Variants in ASB11 observed in about 807,000 individuals in gnomAD.
ASB11 encodes the protein ankyrin repeat and SOCS box containing 11, also known as ankyrin repeat and SOCS box protein 11.
ASB11 carries 17 observed loss-of-function variants against 20.1 expected under a neutral mutation model. The ratio of observed to expected loss-of-function variants is 0.85; its 90% confidence interval spans 0.58 to 1.27. ASB11 has a LOEUF of 1.27. Among genes scored for constraint, ASB11 ranks in the 50% most tolerant of loss-of-function variants. The pLI is 0.00. For missense variants in ASB11, 259 were observed against 256.9 expected, an observed-to-expected ratio of 1.01 and a Z score of -0.06; for synonymous variants, 107 against 105.6, an observed-to-expected ratio of 1.01 and a Z score of -0.08.
chrX:15,290,613 G>A (rs1306398624), intron 4 of ASB11, among the ~76,000 whole-genome samples: 1 of 112,160 alleles, frequency 8.9e-6, no homozygotes, highest in Non-Finnish European at 1.9e-5. Flanking sequence ...TTGTTCAGGA[G>A]AGAGTGCTTC....
At chrX:15,284,206 C>G (rs1161036327) in intron 6 of ASB11, among the ~76,000 whole-genome samples, 3 of 98,492 alleles carry the variant, frequency 3.0e-5, no homozygotes, top group Non-Finnish European at 6.0e-5. Context: ...GAGCCGAGAT[C>G]GGGCCACTGC....
At chrX:15,302,647 C>T (rs1250858435) in intron 2 of ASB11, 81 bp downstream of exon 2, 12 of 1,019,311 alleles carry the variant, frequency 1.2e-5, no homozygotes, top group Non-Finnish European at 2.7e-6. Context: ...GTGAGCCACA[C>T]CTCTGCTACA....
intron 1 of ASB11, among the ~76,000 whole-genome samples, chrX:15,313,618 T>G: frequency 8.9e-6 from 1 of 111,850 alleles, no homozygotes; most frequent in East Asian, 2.8e-4. Flanking sequence ...TTAACCTATT[T>G]TAAGAGATTG....
intron 3 of ASB11, among the ~76,000 whole-genome samples, chrX:15,296,721 T>C (rs961826198): frequency 4.4e-5 from 5 of 112,422 alleles, no homozygotes; most frequent in African/African-American, 1.6e-4. Flanking sequence ...AAGAGTGTTT[T>C]CTATTGTTCT....
chrX:15,284,018 C>A (rs188931891), intron 6 of ASB11, among the ~76,000 whole-genome samples: 4 of 109,778 alleles, frequency 3.6e-5, no homozygotes, highest in Non-Finnish European at 5.7e-5. Context: ...TTTGGGAGGC[C>A]AAGGTGGGCG....
chrX:15,283,373 G>C lies in ASB11; in HGVS notation c.*132C>G. ...CCACTCCTCAAGTGTTCTAGCTCAT[G>C]GGGGATTTACTTCGACTGAGCTCAT... On this transcript the variant is annotated 3_prime_UTR_variant, in exon 7 of 7. Coordinates refer to ENST00000480796, the MANE Select transcript of ASB11 (RefSeq NM_080873.3). 1.1e-6 allele frequency: 1 copy of C among 906,945 alleles called. No individual in the cohort carries two copies. The highest frequency in any genetic ancestry group is 2.4e-5 in the South Asian group (1 of 42,285). 74.7% of individuals were successfully genotyped at this position (906,945 alleles called of 1,213,427 possible).
At chrX:15,312,214 T>C (rs1441602626) in intron 1 of ASB11, among the ~76,000 whole-genome samples, 1 of 108,594 alleles carries the variant, frequency 9.2e-6, no homozygotes, top group Non-Finnish European at 1.9e-5. Context: ...CCAAGGACAA[T>C]GTATTAAACT....
At chrX:15,284,676 T>C (rs1004017719) in intron 6 of ASB11, among the ~76,000 whole-genome samples, 6 of 112,042 alleles carry the variant, frequency 5.4e-5, no homozygotes, top group African/African-American at 1.9e-4. Context: ...TGAATGGCTC[T>C]GAATCCTTAA....
chrX:15,294,563 G>A (rs999821088), intron 3 of ASB11, among the ~76,000 whole-genome samples: 7 of 110,846 alleles, frequency 6.3e-5, no homozygotes, highest in Non-Finnish European at 1.3e-4. Flanking sequence ...TGTAGACAGC[G>A]TCTAGCTATC....
chrX:15,283,402 A>G lies in ASB11; in HGVS notation c.*103T>C. 9.5e-7 allele frequency: 1 copy of G among 1,056,510 alleles called. No homozygotes were observed. The highest frequency in any genetic ancestry group is 1.3e-6 in the Non-Finnish European group (1 of 763,994). 87.1% of individuals were successfully genotyped at this position (1,056,510 alleles called of 1,213,427 possible). ...GATTTACTTCGACTGAGCTCATTTA[A>G]AGATACTAGGAGTCTAAGCTGTTGA... On this transcript the variant is annotated 3_prime_UTR_variant, in exon 7 of 7. Coordinates refer to ENST00000480796, the MANE Select transcript of ASB11 (RefSeq NM_080873.3).
intron 1 of ASB11, among the ~76,000 whole-genome samples, chrX:15,312,958 A>C (rs147807558): frequency 0.025 from 2,847 of 111,963 alleles, 81 homozygotes; most frequent in African/African-American, 0.082. Context: ...TTGAATAAAG[A>C]GTTGTTATTT....
intron 6 of ASB11, among the ~76,000 whole-genome samples, chrX:15,286,374 C>T (rs1296356709): frequency 9.1e-6 from 1 of 109,723 alleles, no homozygotes; most frequent in African/African-American, 3.3e-5. Context: ...ATTAAGAGTG[C>T]ACATTCTGAT....
At chrX:15,301,532 G>C (rs1181636928) in intron 2 of ASB11, among the ~76,000 whole-genome samples, 1 of 110,157 alleles carries the variant, frequency 9.1e-6, no homozygotes, top group Non-Finnish European at 1.9e-5. Context: ...GAGAGACAGA[G>C]AGAGAGAGAG....
intron 2 of ASB11, among the ~76,000 whole-genome samples, chrX:15,301,536 G>A (rs1421666825): frequency 5.5e-5 from 6 of 110,055 alleles, no homozygotes; most frequent in African/African-American, 2.0e-4. Flanking sequence ...GACAGAGAGA[G>A]AGAGAGAAAG....
At chrX:15,300,391 G>T (rs202017413) in intron 2 of ASB11, among the ~76,000 whole-genome samples, 2 of 112,514 alleles carry the variant, frequency 1.8e-5, no homozygotes, top group East Asian at 5.5e-4. Flanking sequence ...TTAGCTTAAT[G>T]TTTTACTCAT....
chrX:15,309,983 A>AAAAAAAAAG (rs1205407881), intron 1 of ASB11, among the ~76,000 whole-genome samples: 1 of 103,963 alleles, frequency 9.6e-6, no homozygotes. Context: ...AAAAAAAAAA[A>AAAAAAAAAG]AAAAAAAAGT....
At chrX:15,292,875 C>A (rs1237710504) in intron 4 of ASB11, among the ~76,000 whole-genome samples, 2 of 111,689 alleles carry the variant, frequency 1.8e-5, no homozygotes, top group Non-Finnish European at 3.8e-5. Context: ...CCAGCTGCCA[C>A]CAAAACACCA....
At chrX:15,314,409 C>G in intron 1 of ASB11, 2 of 1,191,831 alleles carry the variant, frequency 1.7e-6, no homozygotes, top group Non-Finnish European at 2.3e-6. Context: ...CAAAAGAAAT[C>G]TCTTTCCATG....
Position 15,314,648 on chromosome X carries a change from G to A in ASB11, c.181+777C>T, listed in dbSNP as rs185625297. ...CTAGATAAAGAATGATGTAATCCTGGAACCCCTGCAAACACTAAAAATACA... is the reference window on the plus strand; with the variant it reads ...CTAGATAAAGAATGATGTAATCCTGAAACCCCTGCAAACACTAAAAATACA... On this transcript the variant is annotated intron_variant, in intron 1 of 6. Coordinates refer to ENST00000480796, the MANE Select transcript of ASB11 (RefSeq NM_080873.3). 1.7e-4 allele frequency: 118 copies of A among 714,674 alleles called. 3 individuals carry two copies. The East Asian group carries it at 2.7e-3, about 16-fold the overall frequency. 58.9% of individuals were successfully genotyped at this position (714,674 alleles called of 1,213,427 possible).
Sources: gnomAD v4.1 joint callset for allele counts (sites outside exome capture counted in the v4.1 genomes callset) on GRCh38, gnomAD v4.1.1 for gene constraint, MANE v1.5 for transcripts, NCBI Gene and HGNC (gene_info 2026-07-23, HGNC 2026-07-21) for gene names.